Variants in DEPTOR observed in about 807,000 individuals in gnomAD.
DEPTOR encodes DEP domain-containing mTOR-interacting protein.
A neutral mutation model predicts 41.6 loss-of-function variants in DEPTOR; 41 were observed. The ratio of observed to expected loss-of-function variants is 0.98; its 90% CI spans 0.77 to 1.28. The LOEUF is 1.28. Among genes scored for constraint, DEPTOR ranks in the 50% most tolerant of loss-of-function variants. DEPTOR has a pLI of 0.00. For synonymous variants in DEPTOR, 195 were observed against 192.3 expected (o/e 1.01, Z -0.12); for missense variants, 514 against 527.9 (o/e 0.97, Z 0.26).
At chr8:119,884,945 G>T (rs138458130) in intron 1 of DEPTOR, among the ~76,000 whole-genome samples, 2,824 of 152,092 alleles carry the variant, frequency 0.019, 87 homozygotes, top group African/African-American at 0.063. Flanking sequence ...CCAGCTAATT[G>T]TTTGTATTTT....
At chr8:119,928,743 C>CTTTTTTTTTTTTT (rs376801517) in intron 2 of DEPTOR, among the ~76,000 whole-genome samples, 165 bp downstream of exon 2, 12 of 127,888 alleles carry the variant, frequency 9.4e-5, no homozygotes, top group East Asian at 4.6e-4. Context: ...TGGGTTCTTT[C>CTTTTTTTTTTTTT]TTTTTTTTTT....
chr8:119,913,700 C>G (rs1165478555), intron 1 of DEPTOR, among the ~76,000 whole-genome samples: 1 of 152,092 alleles, frequency 6.6e-6, no homozygotes, highest in Non-Finnish European at 1.5e-5. Context: ...AGAGATAAAG[C>G]CAGTCAGTTT....
intron 3 of DEPTOR, among the ~76,000 whole-genome samples, chr8:119,936,531 T>C (rs1257959691): frequency 1.3e-5 from 2 of 152,188 alleles, no homozygotes; most frequent in Non-Finnish European, 2.9e-5. Context: ...CCAGCAGGCA[T>C]AATTATTCCC....
chr8:119,940,654 G>C (rs1158132807), intron 3 of DEPTOR, among the ~76,000 whole-genome samples: 1 of 152,068 alleles, frequency 6.6e-6, no homozygotes, highest in Non-Finnish European at 1.5e-5. Flanking sequence ...GCTGAGGCAG[G>C]ACAATCACTT....
intron 1 of DEPTOR, among the ~76,000 whole-genome samples, chr8:119,904,890 C>G (rs1350680002): frequency 6.6e-6 from 1 of 150,704 alleles, no homozygotes; most frequent in Non-Finnish European, 1.5e-5. Context: ...CTTCTAGGCT[C>G]AAGTGATCCT....
intron 8 of DEPTOR, among the ~76,000 whole-genome samples, chr8:120,009,473 C>T (rs1317453163): frequency 2.6e-5 from 4 of 151,984 alleles, no homozygotes; most frequent in South Asian, 2.1e-4. Flanking sequence ...ATTAGCCGGG[C>T]GTGGTGGCAC....
intron 4 of DEPTOR, among the ~76,000 whole-genome samples, chr8:119,984,327 G>A (rs116065804): frequency 0.019 from 2,891 of 152,004 alleles, 101 homozygotes; most frequent in African/African-American, 0.066. Flanking sequence ...GGACAGGTTT[G>A]TTACATGGGT....
chr8:119,915,730 G>A (rs1827802036), intron 1 of DEPTOR, among the ~76,000 whole-genome samples: 1 of 152,082 alleles, frequency 6.6e-6, no homozygotes, highest in African/African-American at 2.4e-5. Flanking sequence ...AGTGATTTTG[G>A]TTATCAGTTA....
chr8:119,923,674 C>T (rs1460931055), intron 1 of DEPTOR, among the ~76,000 whole-genome samples: 1 of 151,974 alleles, frequency 6.6e-6, no homozygotes, highest in African/African-American at 2.4e-5. Context: ...CATTTATTTT[C>T]CAAGATCTAT....
chr8:120,011,318 G>A (rs1812528628), intron 8 of DEPTOR, among the ~76,000 whole-genome samples: 2 of 152,174 alleles, frequency 1.3e-5, no homozygotes, highest in African/African-American at 4.8e-5. Flanking sequence ...GGGCAGCCAT[G>A]GAAGCCCTGC....
chr8:119,948,183 G>A (rs1001403180), intron 3 of DEPTOR, among the ~76,000 whole-genome samples: 1 of 152,140 alleles, frequency 6.6e-6, no homozygotes, highest in African/African-American at 2.4e-5. Flanking sequence ...CCATCTGATA[G>A]TAGGCAACTT....
At chr8:120,031,092 G>C (rs1352824108) in intron 8 of DEPTOR, among the ~76,000 whole-genome samples, 1 of 152,108 alleles carries the variant, frequency 6.6e-6, no homozygotes, top group African/African-American at 2.4e-5. Context: ...TACTTTGGGG[G>C]CCCAAGGTGG....
At chr8:119,918,419 A>G (rs1827842023) in intron 1 of DEPTOR, among the ~76,000 whole-genome samples, 1 of 152,126 alleles carries the variant, frequency 6.6e-6, no homozygotes, top group Admixed American at 6.5e-5. Flanking sequence ...TTGCTAGTGA[A>G]ACATTTGGCA....
chr8:119,968,780 G>C lies in DEPTOR; in HGVS notation c.604+3370G>C, dbSNP rs182788253. On this transcript the variant is annotated intron_variant, in intron 4 of 8. Coordinates refer to ENST00000286234, the MANE Select transcript of DEPTOR (RefSeq NM_022783.4). The stretch of plus-strand genomic sequence containing the variant: ...TGCTAGTAAGTGTGACCTTGGAGTT[G>C]GGTGGGATGACTGGGGTTTTCCCCA... Among the ~76,000 whole-genome samples, 493 of 152,258 alleles carry C rather than the reference G, an allele frequency of 3.2e-3. 4 individuals are homozygous for C. The highest frequency in any genetic ancestry group is 2.1e-3 in the Non-Finnish European group (141 of 68,028).
At chr8:120,030,498 T>TTTTTTTG (rs1491171151) in intron 8 of DEPTOR, among the ~76,000 whole-genome samples, 5 of 43,660 alleles carry the variant, frequency 1.1e-4, no homozygotes, top group Non-Finnish European at 2.1e-4. Flanking sequence ...GGTTCATCAG[T>TTTTTTTG]TTTTTTTTTT....
chr8:119,896,677 T>C (rs1019475902), intron 1 of DEPTOR, among the ~76,000 whole-genome samples: 4 of 152,196 alleles, frequency 2.6e-5, no homozygotes, highest in Admixed American at 2.0e-4. Flanking sequence ...TTTGTATTTT[T>C]AGTAGAGACG....
intron 8 of DEPTOR, among the ~76,000 whole-genome samples, chr8:120,031,209 G>T (rs759309906): frequency 1.3e-5 from 2 of 152,040 alleles, no homozygotes; most frequent in Non-Finnish European, 2.9e-5. Flanking sequence ...GCTCATGCCT[G>T]TAATCCCAGC....
intron 4 of DEPTOR, among the ~76,000 whole-genome samples, chr8:119,992,751 G>A (rs1056450721): frequency 2.0e-5 from 3 of 151,118 alleles, no homozygotes; most frequent in African/African-American, 7.3e-5. Flanking sequence ...CTGCTTCCTG[G>A]GTTCAAGTGA....
intron 1 of DEPTOR, among the ~76,000 whole-genome samples, chr8:119,889,208 AAAGT>A (rs1827414361): frequency 6.6e-6 from 1 of 152,066 alleles, no homozygotes; most frequent in Non-Finnish European, 1.5e-5. Flanking sequence ...GACACTTAAA[AAAGT>A]AAGTCATGCT....
Sources: gnomAD v4.1 joint callset for allele counts (sites outside exome capture counted in the v4.1 genomes callset) on GRCh38, gnomAD v4.1.1 for gene constraint, MANE v1.5 for transcripts, NCBI Gene and HGNC (gene_info 2026-07-23, HGNC 2026-07-21) for gene names.